Variants in CTBP2 observed in about 807,000 individuals in gnomAD.
CTBP2 encodes C-terminal-binding protein 2.
Under a neutral mutation model 80.3 loss-of-function variants are expected in CTBP2, and 30 were observed. That is an observed-to-expected ratio of 0.37 (90% CI 0.28 to 0.51). CTBP2 has a LOEUF of 0.51. Ranked by LOEUF, CTBP2 falls within the 20% of genes least tolerant of loss-of-function variation. The pLI, the probability that CTBP2 is intolerant of heterozygous loss-of-function variation, is 0.93. For missense variants in CTBP2, 1,212 were observed against 1,375.3 expected (o/e 0.88, Z 1.88); for synonymous variants, 594 against 587.4 (o/e 1.01, Z -0.16).
chr10:125,012,949 C>G (rs1023203063), intron 1 of CTBP2, among the ~76,000 whole-genome samples: 5 of 152,230 alleles, frequency 3.3e-5, no homozygotes, highest in Non-Finnish European at 5.9e-5. Flanking sequence ...CTGGTGAACT[C>G]AGTCGTCAAA....
chr10:125,003,011 G>C lies in CTBP2; in HGVS notation c.1927C>G (p.Arg643Gly), dbSNP rs796470232. 9 of 1,613,958 alleles carry C rather than the reference G, an allele frequency of 5.6e-6. No homozygotes were observed. The highest frequency in any genetic ancestry group is 7.6e-6 in the Non-Finnish European group (9 of 1,180,008). ...ACGTTGTCATAGCCACTGCCTATCCGCACGATCACTCTCAGGGCCTTGAAC... is the reference window on the plus strand; with the variant it reads ...ACGTTGTCATAGCCACTGCCTATCCCCACGATCACTCTCAGGGCCTTGAAC... The change falls in exon 3 of 9, where the codon CGG becomes GGG. Residue 643 changes from arginine to glycine, a missense_variant. Around this residue, in one of 3 missense-constraint regions of CTBP2, gnomAD observed 335 missense variants for 504.7 expected, o/e 0.66. Transcript: ENST00000309035.
At chr10:125,154,632 TTCTCACCGAGTG>T (rs1157824684) in intron 1 of CTBP2, among the ~76,000 whole-genome samples, 2 of 131,538 alleles carry the variant, frequency 1.5e-5, no homozygotes, top group Non-Finnish European at 3.2e-5. Flanking sequence ...CTACAACTGG[TTCTCACCGAGTG>T]TCGTTGCTAA....
intron 1 of CTBP2, among the ~76,000 whole-genome samples, chr10:125,132,794 G>A (rs1856397609): frequency 6.6e-6 from 1 of 152,248 alleles, no homozygotes; most frequent in African/African-American, 2.4e-5. Context: ...AACAGATGAT[G>A]TACTGAAATA....
At chr10:125,078,266 C>T (rs920849982) in intron 2 of CTBP2, among the ~76,000 whole-genome samples, 128 of 127,554 alleles carry the variant, frequency 1.0e-3, no homozygotes, top group African/African-American at 3.9e-3. Context: ...GGCGACAGAG[C>T]GAGACTCCGT....
At chr10:125,005,327 A>G (rs893850) in intron 1 of CTBP2, among the ~76,000 whole-genome samples, 151,042 of 152,306 alleles carry the variant, frequency 0.99, 74,916 homozygotes, top group East Asian at 1. Flanking sequence ...CGGCTGGGAG[A>G]AATCATGGCC....
chr10:125,093,338 G>C (rs923433161), intron 2 of CTBP2, among the ~76,000 whole-genome samples: 1 of 152,186 alleles, frequency 6.6e-6, no homozygotes, highest in Non-Finnish European at 1.5e-5. Context: ...GAATTCCAGC[G>C]GCCAAATGTC....
At chr10:125,102,497 C>G (rs1380426762) in intron 2 of CTBP2, among the ~76,000 whole-genome samples, 3 of 152,218 alleles carry the variant, frequency 2.0e-5, no homozygotes, top group Admixed American at 1.3e-4. Flanking sequence ...TGCAGTGCTG[C>G]CACTTAAGCC....
chr10:124,993,081 A>C (rs1439385243), intron 7 of CTBP2, 121 bp downstream of exon 9: 3 of 1,274,436 alleles, frequency 2.4e-6, no homozygotes, highest in Non-Finnish European at 3.2e-6. Flanking sequence ...CAACTCATAT[A>C]AATTTGATGC....
chr10:125,047,466 CTGGGCACACACAATACAAT>C (rs542297674), intron 2 of CTBP2, among the ~76,000 whole-genome samples: 14 of 152,340 alleles, frequency 9.2e-5, no homozygotes, highest in East Asian at 5.8e-4. Context: ...TGCAGAGAAA[CTGGGCACACACAATACAAT>C]TGGGCACACA....
intron 1 of CTBP2, among the ~76,000 whole-genome samples, chr10:125,135,539 G>A (rs1479271718): frequency 2.6e-5 from 4 of 152,086 alleles, no homozygotes; most frequent in Non-Finnish European, 4.4e-5. Flanking sequence ...CCTAGGCAAC[G>A]GCTGCTTTCT....
intron 1 of CTBP2, among the ~76,000 whole-genome samples, chr10:125,141,998 G>A (rs1436361852): frequency 6.6e-6 from 1 of 152,168 alleles, no homozygotes; most frequent in African/African-American, 2.4e-5. Context: ...TTTCCAAGAG[G>A]GGCTGGTGGG....
At chr10:125,034,543 T>C (rs1420584779) in intron 3 of CTBP2, among the ~76,000 whole-genome samples, 1 of 152,202 alleles carries the variant, frequency 6.6e-6, no homozygotes, top group Non-Finnish European at 1.5e-5. Context: ...TCCCAACATA[T>C]AATTATAATG....
intron 3 of CTBP2, chr10:124,998,476 G>A (rs944600864): frequency 3.3e-5 from 14 of 423,042 alleles, no homozygotes; most frequent in Middle Eastern, 6.9e-4. Context: ...GGCTTGCACT[G>A]AGTCCCAAGA....
intron 3 of CTBP2, among the ~76,000 whole-genome samples, chr10:125,036,471 G>C (rs934018209): frequency 6.6e-6 from 1 of 151,092 alleles, no homozygotes; most frequent in Non-Finnish European, 1.5e-5. Context: ...AAGCACAGCA[G>C]AACATGGCAG....
rs75608487 is a variant in CTBP2 at position 125,151,722 on chromosome 10, G to A, written c.-206+8597C>T. Among the ~76,000 whole-genome samples the A allele has an allele frequency of 2.0e-3, 309 of 152,310 alleles. 1 individual carries two copies. The highest frequency in any genetic ancestry group is 3.9e-3 in the Non-Finnish European group (265 of 68,014). Reference sequence around the variant, plus strand: ...GGTCCCCGCCCCTGCTCTGAGCCTCGAGTGCGGGCTGGGGGCCAACCTGGT... The same window carrying A: ...GGTCCCCGCCCCTGCTCTGAGCCTCAAGTGCGGGCTGGGGGCCAACCTGGT... On this transcript the variant is annotated intron_variant, in intron 1 of 10. Transcript: ENST00000337195.
chr10:124,992,792 T>G lies in CTBP2; in HGVS notation c.2680A>C (p.Arg894=), dbSNP rs1589903943. The change falls in exon 8 of 9, where the codon AGA becomes CGA. Residue 894 remains arginine (R), a synonymous_variant. Coordinates refer to ENST00000309035, the MANE Select transcript of CTBP2 (RefSeq NM_022802.3). ...AAGAATTCCTTGTTCACACAATTTC[T>G]TAAGCTTTCTGGGATGCGACCTAGG... 1 of 1,611,746 alleles carries G rather than the reference T, an allele frequency of 6.2e-7. No individual in the cohort carries two copies. Among genetic ancestry groups the G allele is most frequent in the Admixed American group, 1.7e-5 (1 of 59,880 alleles).
intron 1 of CTBP2, among the ~76,000 whole-genome samples, chr10:125,132,274 A>G (rs1460612040): frequency 6.6e-6 from 1 of 152,098 alleles, no homozygotes. Context: ...GACCAGCATC[A>G]TTTTATAAAC....
At chr10:125,025,786 C>G (rs931695246) in intron 1 of CTBP2, among the ~76,000 whole-genome samples, 5 of 152,194 alleles carry the variant, frequency 3.3e-5, no homozygotes, top group African/African-American at 1.2e-4. Flanking sequence ...GCGACTTTCT[C>G]CAAGAAACAC....
At chr10:125,038,446 A>G (rs1959109978) in intron 3 of CTBP2, among the ~76,000 whole-genome samples, 1 of 152,154 alleles carries the variant, frequency 6.6e-6, no homozygotes, top group Non-Finnish European at 1.5e-5. Context: ...GGAAGAGCGC[A>G]GTGCTTAATC....
Sources: allele counts gnomAD v4.1 joint callset (sites outside exome capture counted in the v4.1 genomes callset), GRCh38; gene constraint gnomAD v4.1.1; regional missense constraint gnomAD v4.1.1; transcripts MANE v1.5; gene names NCBI Gene and HGNC (gene_info 2026-07-23, HGNC 2026-07-21).